Variants in SNTB2 observed in about 807,000 individuals in gnomAD.
SNTB2 encodes syntrophin beta 2.
In SNTB2, 34 loss-of-function variants were observed where a neutral mutation model predicts 46.2. That is an observed-to-expected ratio of 0.74 (90% CI 0.56 to 0.98). The LOEUF (loss-of-function observed/expected upper bound fraction) is 0.98, where lower values mean the gene tolerates loss of function less well. Ranked by LOEUF, SNTB2 falls within the 50% of genes least tolerant of loss-of-function variation. The pLI is 0.00. For missense variants in SNTB2, 603 were observed against 731.4 expected (o/e 0.82, Z 2.02); for synonymous variants, 290 against 312.6 (o/e 0.93, Z 0.76).
chr16:69,279,570 G>A (rs1208109998), intron 4 of SNTB2, among the ~76,000 whole-genome samples: 1 of 120,864 alleles, frequency 8.3e-6, no homozygotes, highest in Non-Finnish European at 1.6e-5. Context: ...CTGTCGCCCA[G>A]GCTGGAGTGC....
chr16:69,247,944 C>T (rs1243303197), intron 2 of SNTB2, among the ~76,000 whole-genome samples: 3 of 152,038 alleles, frequency 2.0e-5, no homozygotes, highest in Admixed American at 2.0e-4. Context: ...ACAGTGAGAC[C>T]TCGCCTCTAC....
At chr16:69,292,389 ATTATAT>A (rs1965173860) in intron 5 of SNTB2, among the ~76,000 whole-genome samples, 4 of 11,330 alleles carry the variant, frequency 3.5e-4, no homozygotes, top group African/African-American at 1.1e-3. Context: ...TTATATATAT[ATTATAT>A]ATATATATAT....
intron 1 of SNTB2, among the ~76,000 whole-genome samples, chr16:69,244,244 A>G (rs1964646898): frequency 6.6e-6 from 1 of 152,220 alleles, no homozygotes. Flanking sequence ...TAGGCCTATA[A>G]AAGACTATCA....
chr16:69,218,810 T>G (rs1425357164), intron 1 of SNTB2, among the ~76,000 whole-genome samples: 1 of 152,174 alleles, frequency 6.6e-6, no homozygotes, highest in Non-Finnish European at 1.5e-5. Context: ...GATAATCATG[T>G]TTGTTCTGTT....
At chr16:69,294,594 G>A (rs544067487) in intron 5 of SNTB2, among the ~76,000 whole-genome samples, 7 of 151,936 alleles carry the variant, frequency 4.6e-5, no homozygotes, top group African/African-American at 1.4e-4. Context: ...TTAGCAGGGC[G>A]TTGTGGTGCG....
chr16:69,259,511 C>T (rs868833885), intron 2 of SNTB2, among the ~76,000 whole-genome samples: 2 of 148,844 alleles, frequency 1.3e-5, no homozygotes, highest in Admixed American at 6.7e-5. Context: ...CTGAGATTAC[C>T]GGAGTGAGCC....
In SNTB2 at chr16:69,260,178, C is replaced by T; in HGVS notation, c.923C>T (p.Ala308Val). ...ATGGCTCTCCTCCCACAGGTGTTGG[C>T]TGAACTCAACGCCATGCTTGGGGCA... Reference protein sequence around the residue: ...NIMALLPQVLAELNAMLGATS... With the variant: ...NIMALLPQVLVELNAMLGATS... The change falls in exon 3 of 7, where the codon GCT becomes GTT. Residue 308 changes from alanine to valine, a missense_variant. This residue lies in a region of SNTB2 where 537 missense variants were observed against 692.4 expected (regional missense o/e 0.78). Coordinates refer to ENST00000336278, the MANE Select transcript of SNTB2 (RefSeq NM_006750.4). 4 of 1,614,178 alleles carry T rather than the reference C, an allele frequency of 2.5e-6. No individual in the cohort carries two copies. The highest frequency in any genetic ancestry group is 3.4e-6 in the Non-Finnish European group (4 of 1,180,042).
chr16:69,225,837 G>T (rs956145479), intron 1 of SNTB2, among the ~76,000 whole-genome samples: 1 of 152,060 alleles, frequency 6.6e-6, no homozygotes, highest in African/African-American at 2.4e-5. Context: ...ATGTGATCTC[G>T]GCTCAGTGCA....
chr16:69,222,158 C>T (rs188492175), intron 1 of SNTB2, among the ~76,000 whole-genome samples: 10 of 152,248 alleles, frequency 6.6e-5, no homozygotes, highest in African/African-American at 2.2e-4. Flanking sequence ...TATCTCATAC[C>T]GCAAGTTCCT....
chr16:69,235,813 T>A (rs1964554302), intron 1 of SNTB2: 1 of 1,289,278 alleles, frequency 7.8e-7, no homozygotes, highest in South Asian at 1.2e-5. Flanking sequence ...ACTAAGTTTC[T>A]TCAAATATCC....
At chr16:69,247,981 G>A (rs558886666) in intron 2 of SNTB2, among the ~76,000 whole-genome samples, 1 of 152,124 alleles carries the variant, frequency 6.6e-6, no homozygotes, top group South Asian at 2.1e-4. Context: ...AAATTAGCCA[G>A]GCATACTGGC....
At chr16:69,289,269 C>CAA (rs539709680) in intron 5 of SNTB2, among the ~76,000 whole-genome samples, 2,864 of 76,556 alleles carry the variant, frequency 0.037, 185 homozygotes, top group African/African-American at 0.12. Context: ...AACTCCGTCT[C>CAA]AAAAAAAAAA....
At chr16:69,254,589 G>A (rs1338380796) in intron 2 of SNTB2, among the ~76,000 whole-genome samples, 1 of 151,960 alleles carries the variant, frequency 6.6e-6, no homozygotes, top group Admixed American at 6.6e-5. Flanking sequence ...TAAAACTTCA[G>A]CCCTGCAAAA....
intron 4 of SNTB2, among the ~76,000 whole-genome samples, chr16:69,278,703 G>A (rs936726074): frequency 8.5e-5 from 13 of 152,154 alleles, no homozygotes; most frequent in African/African-American, 2.4e-4. Context: ...TGATCTGCCC[G>A]CCTTGGCCTC....
At chr16:69,280,615 G>C (rs556389479) in intron 4 of SNTB2, among the ~76,000 whole-genome samples, 2,182 of 145,164 alleles carry the variant, frequency 0.015, 49 homozygotes, top group African/African-American at 0.052. Context: ...CCTCCCGGAC[G>C]GGGCGGCTGG....
At chr16:69,204,000 C>A (rs1174698942) in intron 1 of SNTB2, among the ~76,000 whole-genome samples, 1 of 152,110 alleles carries the variant, frequency 6.6e-6, no homozygotes, top group Non-Finnish European at 1.5e-5. Context: ...TCAAGCAATT[C>A]TCCTGCCTCA....
chr16:69,219,381 A>G (rs1172190404), intron 1 of SNTB2, among the ~76,000 whole-genome samples: 1 of 152,238 alleles, frequency 6.6e-6, no homozygotes, highest in African/African-American at 2.4e-5. Context: ...ACATTCTAAT[A>G]TATCTCTGGA....
At chr16:69,231,836 A>AT (rs1246714555) in intron 1 of SNTB2, among the ~76,000 whole-genome samples, 1 of 152,186 alleles carries the variant, frequency 6.6e-6, no homozygotes, top group Non-Finnish European at 1.5e-5. Flanking sequence ...TATTTAAAAC[A>AT]TTTTTTATAA....
intron 5 of SNTB2, among the ~76,000 whole-genome samples, chr16:69,294,234 T>G (rs948811768): frequency 2.0e-5 from 3 of 152,114 alleles, no homozygotes; most frequent in Non-Finnish European, 4.4e-5. Context: ...CCTAGACTTG[T>G]CTCAAACTTG....
Sources: allele counts gnomAD v4.1 joint callset (sites outside exome capture counted in the v4.1 genomes callset), GRCh38; gene constraint gnomAD v4.1.1; regional missense constraint gnomAD v4.1.1; transcripts MANE v1.5; gene names NCBI Gene and HGNC (gene_info 2026-07-23, HGNC 2026-07-21).